NEK10: variants seen among roughly 807,000 people sequenced by gnomAD.
The protein encoded by NEK10 is serine/threonine-protein kinase Nek10.
NEK10 carries 122 observed loss-of-function variants against 159.8 expected under a neutral mutation model. The ratio of observed to expected loss-of-function variants is 0.76; its 90% CI spans 0.66 to 0.89. The LOEUF (loss-of-function observed/expected upper bound fraction) is 0.89, where lower values mean the gene tolerates loss of function less well. Among genes scored for constraint, NEK10 ranks in the 40% least tolerant of loss-of-function variants. The pLI, the probability that NEK10 is intolerant of heterozygous loss-of-function variation, is 0.00. For missense variants in NEK10, 1,342 were observed against 1,323.1 expected, an observed-to-expected ratio of 1.01 and a Z score of -0.22; for synonymous variants, 466 against 457.1, an observed-to-expected ratio of 1.02 and a Z score of -0.25.
At chr3:27,237,021 C>T (rs931175256) in intron 23 of NEK10, among the ~76,000 whole-genome samples, 6 of 150,998 alleles carry the variant, frequency 4.0e-5, no homozygotes, top group Non-Finnish European at 8.9e-5. Flanking sequence ...GACCTCCCCC[C>T]AGGAATGCAT....
chr3:27,119,704 A>G, intron 33 of NEK10, 56 bp downstream of exon 33: 2 of 1,318,208 alleles, frequency 1.5e-6, no homozygotes, highest in Non-Finnish European at 2.2e-6. Context: ...ATAGCTGTTG[A>G]TCCAAACAAT....
In NEK10 at chr3:27,141,550, C is replaced by A; in HGVS notation, c.2902G>T (p.Val968Leu). 6.2e-7 allele frequency: 1 copy of A among 1,613,338 alleles called. No homozygotes were observed. The highest frequency in any genetic ancestry group is 8.5e-7 in the Non-Finnish European group (1 of 1,179,496). Residue 968 changes from valine (V) to leucine (L), a missense_variant, in exon 31 of 36, where the codon GTG becomes TTG. Transcript: ENST00000691995. ...TGAATAGGATCACTGATCTGACGCA[C>A]TTTCCTCTGGGACACAGCAATTCCT... ...SAGIAVSQRK[V>L]RQISDPIQQI... is the part of the protein sequence containing the mutation.
intron 35 of NEK10, among the ~76,000 whole-genome samples, chr3:27,112,615 T>C (rs1174048043): frequency 6.6e-6 from 1 of 151,996 alleles, no homozygotes; most frequent in African/African-American, 2.4e-5. Flanking sequence ...ATGTAAAGAG[T>C]GAGGAAAACA....
At chr3:27,124,126 A>T (rs1941654537) in intron 32 of NEK10, among the ~76,000 whole-genome samples, 1 of 152,144 alleles carries the variant, frequency 6.6e-6, no homozygotes, top group African/African-American at 2.4e-5. Context: ...ATGCAGACAG[A>T]CTATTAAGAG....
intron 1 of NEK10, among the ~76,000 whole-genome samples, chr3:27,368,236 G>A (rs1022768987): frequency 6.6e-6 from 1 of 152,048 alleles, no homozygotes; most frequent in African/African-American, 2.4e-5. Context: ...AGGCTGCAGT[G>A]AGCTGAGATC....
intron 1 of NEK10, among the ~76,000 whole-genome samples, chr3:27,367,095 C>T (rs2049152018): frequency 1.3e-5 from 2 of 152,182 alleles, no homozygotes; most frequent in Non-Finnish European, 2.9e-5. Flanking sequence ...ACGGCATGAG[C>T]CACCATGCCC....
chr3:27,218,857 A>G (rs1337283090), intron 23 of NEK10, among the ~76,000 whole-genome samples: 1 of 152,154 alleles, frequency 6.6e-6, no homozygotes, highest in Non-Finnish European at 1.5e-5. Flanking sequence ...CCTCAGCCCA[A>G]TGAAAGACAT....
intron 22 of NEK10, among the ~76,000 whole-genome samples, chr3:27,271,853 G>GAA (rs5847454): frequency 3.3e-5 from 5 of 150,402 alleles, no homozygotes; most frequent in South Asian, 2.1e-4. Context: ...AGCACATTAT[G>GAA]AAAAAAAAAT....
chr3:27,271,290 A>G (rs1389291492), intron 22 of NEK10, among the ~76,000 whole-genome samples: 2 of 152,138 alleles, frequency 1.3e-5, no homozygotes, highest in Non-Finnish European at 2.9e-5. Flanking sequence ...GTTAACAACT[A>G]TTCACAAACT....
chr3:27,172,111 G>C (rs181152474), intron 28 of NEK10, among the ~76,000 whole-genome samples: 4 of 151,894 alleles, frequency 2.6e-5, no homozygotes, highest in Non-Finnish European at 5.9e-5. Context: ...GGCCGAGGTA[G>C]ATGAATCATG....
chr3:27,226,196 TA>T (rs1303119676), intron 23 of NEK10, among the ~76,000 whole-genome samples: 7 of 139,310 alleles, frequency 5.0e-5, no homozygotes, highest in African/African-American at 1.3e-4. Flanking sequence ...TACGCCCGGC[TA>T]TTTTTTTTTT....
rs543040044 is a variant in NEK10 at position 27,169,532 on chromosome 3, GAA to G, written c.2831+2285_2831+2286del. Among the ~76,000 whole-genome samples the G allele has an allele frequency of 3.3e-5, 5 of 152,194 alleles. No individual in the cohort carries two copies. In the East Asian group the frequency reaches 9.6e-4, roughly 29 times the overall value. On this transcript the variant is annotated intron_variant, in intron 29 of 35. Transcript: ENST00000691995. The stretch of plus-strand genomic sequence containing the variant: ...TGGGTTTTTATTCCCAGAAACACTG[GAA>G]AAAAAGTTAGGAAATTAAAAGGCTC...
chr3:27,184,146 C>T (rs542386050), intron 26 of NEK10, among the ~76,000 whole-genome samples: 36 of 152,274 alleles, frequency 2.4e-4, no homozygotes, highest in African/African-American at 8.2e-4. Context: ...AGGTTTTCAA[C>T]AGTGTTAAGA....
At chr3:27,275,565 C>A (rs2041708834) in intron 22 of NEK10, among the ~76,000 whole-genome samples, 1 of 152,112 alleles carries the variant, frequency 6.6e-6, no homozygotes, top group Admixed American at 6.5e-5. Context: ...GACACTATAT[C>A]CGGTTAACGG....
rs1243418697 is a variant in NEK10, at chr3:27,207,381, T to G, written c.2091-4824A>C. On this transcript the variant is annotated intron_variant, in intron 23 of 35. Coordinates refer to ENST00000691995, the MANE Select transcript of NEK10 (RefSeq NM_001394966.1). ...AATTGAAAAACTATCATTGAAGAAG[T>G]AACTCATTGACAATATAATGATATA... Among the ~76,000 whole-genome samples, 6 of 152,156 alleles carry G rather than the reference T, an allele frequency of 3.9e-5. No individual in the cohort carries two copies. The East Asian group carries it at 9.6e-4, about 24-fold the overall frequency.
chr3:27,151,540 C>A (rs1160446625), intron 30 of NEK10, among the ~76,000 whole-genome samples: 1 of 152,176 alleles, frequency 6.6e-6, no homozygotes, highest in Admixed American at 6.5e-5. Flanking sequence ...TCTGACAGAG[C>A]CTACCCAAAT....
At chr3:27,130,459 A>C (rs887111495) in intron 32 of NEK10, among the ~76,000 whole-genome samples, 2 of 152,184 alleles carry the variant, frequency 1.3e-5, no homozygotes, top group Admixed American at 6.5e-5. Flanking sequence ...GAGAGGAAAG[A>C]AAGTGAGGAA....
intron 1 of NEK10, among the ~76,000 whole-genome samples, chr3:27,368,181 T>C (rs1270036461): frequency 6.6e-6 from 1 of 151,756 alleles, no homozygotes; most frequent in Non-Finnish European, 1.5e-5. Flanking sequence ...TAATCCCAGC[T>C]CTCTGGAGGC....
intron 22 of NEK10, among the ~76,000 whole-genome samples, chr3:27,261,039 T>C (rs1311161506): frequency 1.3e-5 from 2 of 152,198 alleles, no homozygotes; most frequent in South Asian, 2.1e-4. Flanking sequence ...CTGATGGTAG[T>C]TTGTATTTCT....
Sources: allele counts gnomAD v4.1 joint callset (sites outside exome capture counted in the v4.1 genomes callset), GRCh38; gene constraint gnomAD v4.1.1; transcripts MANE v1.5; gene names NCBI Gene and HGNC (gene_info 2026-07-23, HGNC 2026-07-21).